Variants in EVI5 observed in about 807,000 individuals in gnomAD.
EVI5 encodes ecotropic viral integration site 5, also known as ecotropic viral integration site 5 protein homolog.
Under a neutral mutation model 112.0 loss-of-function variants are expected in EVI5, and 73 were observed. The observed-to-expected ratio is 0.65, with a 90% CI of 0.54 to 0.79. The LOEUF (loss-of-function observed/expected upper bound fraction) is 0.79. EVI5 is among the 30% of genes least tolerant of loss of function. The pLI is 0.00. For synonymous variants in EVI5, 305 were observed against 319.9 expected, an observed-to-expected ratio of 0.95 and a Z score of 0.50; for missense variants, 900 against 968.8, an observed-to-expected ratio of 0.93 and a Z score of 0.94.
intron 9 of EVI5, among the ~76,000 whole-genome samples, chr1:92,680,234 A>G (rs534830311): frequency 6.6e-6 from 1 of 152,340 alleles, no homozygotes; most frequent in East Asian, 1.9e-4. Context: ...AGCTCTCTGG[A>G]GAAATAGCTC....
At chr1:92,587,384 G>A (rs1219722995) in intron 18 of EVI5, among the ~76,000 whole-genome samples, 1 of 36,878 alleles carries the variant, frequency 2.7e-5, no homozygotes, top group Non-Finnish European at 4.9e-5. Flanking sequence ...TTGTGCTTCA[G>A]GGGCAAAAAA....
chr1:92,517,570 A>G (rs1357296696), intron 19 of EVI5, among the ~76,000 whole-genome samples: 1 of 152,240 alleles, frequency 6.6e-6, no homozygotes, highest in East Asian at 1.9e-4. Context: ...ACATCTGACT[A>G]GTGTCTGGTA....
intron 18 of EVI5, among the ~76,000 whole-genome samples, chr1:92,595,121 T>C (rs1647367427): frequency 6.6e-6 from 1 of 151,870 alleles, no homozygotes; most frequent in Admixed American, 6.6e-5. Flanking sequence ...CACACGTATG[T>C]TTATTGCGGC....
At chr1:92,521,494 C>T (rs961016165) in intron 19 of EVI5, among the ~76,000 whole-genome samples, 1 of 152,036 alleles carries the variant, frequency 6.6e-6, no homozygotes, top group Non-Finnish European at 1.5e-5. Context: ...AGTTTGAGAC[C>T]AGCCTGGCCA....
At chr1:92,723,728 A>T (rs1051853684) in intron 2 of EVI5, among the ~76,000 whole-genome samples, 3 of 152,196 alleles carry the variant, frequency 2.0e-5, no homozygotes, top group Non-Finnish European at 4.4e-5. Flanking sequence ...AGATAACCAT[A>T]AGGTCTGACT....
At chr1:92,704,774 C>T (rs1285223096) in intron 2 of EVI5, 30 bp from the exon 3 acceptor site, 1 of 1,132,640 alleles carries the variant, frequency 8.8e-7, no homozygotes, top group African/African-American at 1.6e-5. Context: ...TGTTCAAGAT[C>T]TAATCGGACA....
chr1:92,690,083 G>T (rs1669241280), intron 9 of EVI5, among the ~76,000 whole-genome samples: 1 of 151,968 alleles, frequency 6.6e-6, no homozygotes, highest in Non-Finnish European at 1.5e-5. Flanking sequence ...TCGCTATGTT[G>T]CCCAGGCTGG....
intron 1 of EVI5, among the ~76,000 whole-genome samples, chr1:92,778,975 T>A (rs1684520177): frequency 6.7e-6 from 1 of 149,592 alleles, no homozygotes; most frequent in Non-Finnish European, 1.5e-5. Flanking sequence ...CAGCAGGGAT[T>A]TTTTTTTTTA....
At chr1:92,792,041 A>G (rs1488453264) in intron 1 of EVI5, among the ~76,000 whole-genome samples, 4 of 152,244 alleles carry the variant, frequency 2.6e-5, no homozygotes, top group Admixed American at 2.6e-4. Context: ...ACAGCAGCCA[A>G]TTACAGCTAG....
In EVI5 at chr1:92,604,076, G is replaced by A. The variant is rs112996405; in HGVS notation, c.2070+1231C>T. Among the ~76,000 whole-genome samples, 1,414 of 152,020 alleles carry A rather than the reference G, an allele frequency of 9.3e-3. 19 individuals carry two copies. Among genetic ancestry groups the A allele is most frequent in the African/African-American group, 0.032 (1,329 of 41,446 alleles). On this transcript the variant is annotated intron_variant, in intron 18 of 19. Transcript: ENST00000684568. ...AGTTAAAAAAAAATTAAGGCTGGGC[G>A]CAGTGGCTCATGCTTGTAATCCCAG...
At chr1:92,569,834 T>A (rs1251352435) in intron 18 of EVI5, among the ~76,000 whole-genome samples, 2 of 116,880 alleles carry the variant, frequency 1.7e-5, no homozygotes, top group Non-Finnish European at 3.2e-5. Context: ...AGCCTGGCGA[T>A]GGAGGGAGAC....
intron 1 of EVI5, among the ~76,000 whole-genome samples, chr1:92,747,543 G>A (rs1006988842): frequency 2.6e-5 from 4 of 151,656 alleles, no homozygotes; most frequent in South Asian, 2.1e-4. Flanking sequence ...ACAAAACTCC[G>A]TCTCTACCAA....
In EVI5 at chr1:92,736,445, C is replaced by G. The variant is rs1460844854; in HGVS notation, c.102G>C (p.Leu34Phe). The G allele has an allele frequency of 1.2e-6, 2 of 1,613,844 alleles. No individual in the cohort carries two copies. Among genetic ancestry groups the G allele is most frequent in the East Asian group, 4.5e-5 (2 of 44,870 alleles). The change falls in exon 2 of 20, where the codon TTG becomes TTC. Residue 34 changes from leucine (L) to phenylalanine (F), a missense_variant. Leu to Phe is a conservative substitution (Grantham distance 22). Coordinates refer to ENST00000684568, the MANE Select transcript of EVI5 (RefSeq NM_001350197.2). ...CCAGGAGTTCTAAGTCGTCTGGACT[C>G]AACTGTGATGGGGAAGATGGTGAAA... ...PALSPSSPSQ[L>F]SPDDLELLAK...
At chr1:92,733,038 C>G (rs1200013781) in intron 2 of EVI5, 2 of 166,196 alleles carry the variant, frequency 1.2e-5, no homozygotes, top group Non-Finnish European at 2.6e-5. Flanking sequence ...TACAGTGAGA[C>G]CTCGTCTCCA....
intron 9 of EVI5, among the ~76,000 whole-genome samples, chr1:92,688,882 G>A (rs184936455): frequency 9.2e-5 from 14 of 152,240 alleles, no homozygotes; most frequent in African/African-American, 2.6e-4. Flanking sequence ...TGAGAGGTAG[G>A]TCCAATTGTT....
chr1:92,657,325 G>A (rs899892345), intron 13 of EVI5, among the ~76,000 whole-genome samples: 4 of 151,964 alleles, frequency 2.6e-5, no homozygotes, highest in Middle Eastern at 3.2e-3. Flanking sequence ...GATAAAATTC[G>A]GCATCCCTTC....
At chr1:92,720,735 G>C (rs748381177) in intron 2 of EVI5, among the ~76,000 whole-genome samples, 54 of 152,086 alleles carry the variant, frequency 3.6e-4, no homozygotes, top group Non-Finnish European at 6.9e-4. Context: ...AGAGTGAACA[G>C]GCAACCTACA....
chr1:92,535,676 G>GC (rs1663759498), intron 19 of EVI5, among the ~76,000 whole-genome samples: 1 of 152,006 alleles, frequency 6.6e-6, no homozygotes, highest in Non-Finnish European at 1.5e-5. Flanking sequence ...ACCAAACACT[G>GC]CATGTTCTCA....
At chr1:92,692,584 T>A (rs1417183881) in intron 9 of EVI5, among the ~76,000 whole-genome samples, 1 of 152,204 alleles carries the variant, frequency 6.6e-6, no homozygotes, top group African/African-American at 2.4e-5. Context: ...AGAGATAAGG[T>A]ATCACTATGT....
Sources: allele counts gnomAD v4.1 joint callset (sites outside exome capture counted in the v4.1 genomes callset), GRCh38; gene constraint gnomAD v4.1.1; transcripts MANE v1.5; gene names NCBI Gene and HGNC (gene_info 2026-07-23, HGNC 2026-07-21).